STAT2: variants seen among roughly 807,000 people sequenced by gnomAD.
The protein encoded by STAT2 is signal transducer and activator of transcription 2, also known as interferon alpha induced transcriptional activator.
A neutral mutation model predicts 122.3 loss-of-function variants in STAT2; 51 were observed. The observed-to-expected ratio is 0.42, with a 90% CI of 0.33 to 0.53. The LOEUF is 0.53. Among genes scored for constraint, STAT2 ranks in the 20% least tolerant of loss-of-function variants. The probability of loss-of-function intolerance (pLI) is 0.10; values close to 1 mark genes in which losing one functional copy is unlikely to be tolerated. For missense variants in STAT2, 736 were observed against 1,010.3 expected (o/e 0.73, Z 3.68); for synonymous variants, 351 against 394.9 (o/e 0.89, Z 1.32).
rs1877473976 is a variant in STAT2, at chr12:56,346,443, T to C, written c.2043A>G (p.Lys681=). The C allele has an allele frequency of 6.2e-7, 1 of 1,614,072 alleles. No homozygotes were observed. The highest frequency in any genetic ancestry group is 1.7e-5 in the Admixed American group (1 of 60,002). ...DEAFGCYYQE[K]VNLQERRKYL... ...ATGAAGTATGTCAACGATTCCCACC[T>C]TTCTCCTGGTAGTAGCACCCAAAAG... The change falls in exon 21 of 24, where the codon AAA becomes AAG. Residue 681 remains lysine, a splice_region_variant and synonymous_variant. Transcript: ENST00000314128.
At chr12:56,355,148 G>A in intron 6 of STAT2, 128 bp downstream of exon 6, 1 of 1,111,120 alleles carries the variant, frequency 9.0e-7, no homozygotes, top group Non-Finnish European at 1.3e-6. Flanking sequence ...TTGCACGGCA[G>A]CAGGACTGTA....
At chr12:56,347,885 C>T (rs1877752807) in intron 19 of STAT2, among the ~76,000 whole-genome samples, 6 of 152,086 alleles carry the variant, frequency 3.9e-5, no homozygotes, top group Admixed American at 3.9e-4. Context: ...GTCACATAGG[C>T]CTGGATTTGA....
Position 56,343,074 on chromosome 12 carries a change from C to T in STAT2, c.*315G>A, listed in dbSNP as rs781607753. 3.3e-5 allele frequency: 9 copies of T among 273,520 alleles called. No individual in the cohort carries two copies. The highest frequency in any genetic ancestry group is 5.5e-5 in the Non-Finnish European group (8 of 145,374). 16.9% of individuals were successfully genotyped at this position (273,520 alleles called of 1,614,324 possible). ...ATCCTTCCATACTGGAAAGAAGCCA[C>T]TGCCCTGAGCCCTCCAAGTACCTGT... On this transcript the variant is annotated 3_prime_UTR_variant, in exon 24 of 24. Transcript: ENST00000314128.
intron 1 of STAT2, 93 bp downstream of exon 1, chr12:56,359,965 G>A: frequency 1.3e-5 from 11 of 868,670 alleles, no homozygotes; most frequent in Non-Finnish European, 1.4e-5. Flanking sequence ...ACCCTCTCCA[G>A]GGGGTAACCC....
intron 1 of STAT2, 94 bp from the exon 2 acceptor site, chr12:56,356,672 T>C: frequency 6.9e-7 from 1 of 1,446,456 alleles, no homozygotes; most frequent in Non-Finnish European, 9.2e-7. Context: ...ATTTAAAATG[T>C]TTAAATTATA....
chr12:56,356,059 T>G (rs1879464692), intron 3 of STAT2, 73 bp downstream of exon 3: 5 of 1,559,666 alleles, frequency 3.2e-6, no homozygotes, highest in Non-Finnish European at 3.5e-6. Context: ...CAGGTACTAT[T>G]CTATTCTCCA....
At chr12:56,350,460 A>T in intron 11 of STAT2, 28 bp from the exon 12 acceptor site, 2 of 1,589,218 alleles carry the variant, frequency 1.3e-6, no homozygotes, top group Non-Finnish European at 1.7e-6. Context: ...TAAAAAAATC[A>T]TTGGGCAAAA....
At chr12:56,346,689 C>G in intron 20 of STAT2, 65 bp from the exon 21 acceptor site, 1 of 1,603,468 alleles carries the variant, frequency 6.2e-7, no homozygotes, top group South Asian at 1.1e-5. Flanking sequence ...GCTCTCTGCT[C>G]TGGCTGCCCA....
rs759845888 is a variant in STAT2 at position 56,348,952 on chromosome 12, C to G, written c.1548G>C (p.Gln516His). ...SYVGRGLNSD[Q>H]LSMLRNKLFG... ...ACAGCTTGTTTCTCAGCATGCTCAG[C>G]TGGTCTGAGTTGAGGCCTCGGCCAA... Residue 516 changes from glutamine to histidine, a missense_variant, in exon 17 of 24, where the codon CAG becomes CAC. Physicochemically the swap from Gln to His is conservative, Grantham distance 24. Transcript: ENST00000314128. The G allele has an allele frequency of 6.2e-7, 1 of 1,613,702 alleles. No individual in the cohort carries two copies. The highest frequency in any genetic ancestry group is 1.1e-5 in the South Asian group (1 of 91,034).
intron 8 of STAT2, among the ~76,000 whole-genome samples, chr12:56,353,006 C>T (rs890795942): frequency 8.8e-5 from 13 of 147,978 alleles, no homozygotes; most frequent in South Asian, 2.1e-4. Flanking sequence ...TTTTTTGAGA[C>T]GGAGTCTCGC....
At chr12:56,348,877 GA>G (rs780533702) in intron 17 of STAT2, 46 bp downstream of exon 17, 1,204 of 1,613,964 alleles carry the variant, frequency 7.5e-4, no homozygotes, top group Non-Finnish European at 9.5e-4. Context: ...CAGAGGGACA[GA>G]AAAGACTAAG....
At chr12:56,358,062 G>A (rs978084940) in intron 1 of STAT2, among the ~76,000 whole-genome samples, 1 of 152,092 alleles carries the variant, frequency 6.6e-6, no homozygotes, top group East Asian at 1.9e-4. Context: ...TCACCATCCA[G>A]CTTTAACAAA....
chr12:56,355,092 C>G, intron 6 of STAT2, 184 bp downstream of exon 6: 2 of 738,228 alleles, frequency 2.7e-6, no homozygotes, highest in South Asian at 3.5e-5. Context: ...CATTTACTGT[C>G]TCTCAGCTGC....
In STAT2 at chr12:56,349,581, G is replaced by C; in HGVS notation, c.1257+8C>G. The C allele has an allele frequency of 6.2e-7, 1 of 1,614,182 alleles. No individual in the cohort carries two copies. The highest frequency in any genetic ancestry group is 1.1e-5 in the South Asian group (1 of 91,080). On this transcript the variant is annotated splice_region_variant and intron_variant, in intron 14 of 23. Transcript: ENST00000314128. ...CCCCCTGCCTCGAGTCCTCTGTCCA[G>C]ATCTCACCTTATTGCTGCCCTTTCC...
At chr12:56,352,142 G>A (rs1250916527) in intron 8 of STAT2, among the ~76,000 whole-genome samples, 4 of 151,784 alleles carry the variant, frequency 2.6e-5, no homozygotes, top group African/African-American at 7.3e-5. Context: ...CAGGTGATCC[G>A]CCCACCTTGG....
chr12:56,348,245 G>A lies in STAT2; in HGVS notation c.1724+284C>T, dbSNP rs540367404. ...TGGGACTACAGGTGTCTGCCACCAC[G>A]CCCGGCTAATTTTTTGTATTTTTAG... is the stretch of plus-strand genomic sequence containing the variant. On this transcript the variant is annotated intron_variant, in intron 19 of 23. Coordinates refer to ENST00000314128, the MANE Select transcript of STAT2 (RefSeq NM_005419.4). 8.6e-5 allele frequency among the ~76,000 whole-genome samples: 13 copies of A among 151,646 alleles called. No homozygotes were observed. In the South Asian group the frequency reaches 1.5e-3, roughly 17 times the overall value.
chr12:56,345,556 G>A (rs1430968979), intron 22 of STAT2, among the ~76,000 whole-genome samples: 4 of 95,606 alleles, frequency 4.2e-5, no homozygotes, highest in Non-Finnish European at 5.6e-5. Flanking sequence ...GGTGGCTCAC[G>A]CCTGTAATCC....
intron 8 of STAT2, 53 bp from the exon 9 acceptor site, chr12:56,351,503 A>T (rs1878474380): frequency 6.3e-7 from 1 of 1,575,834 alleles, no homozygotes; most frequent in African/African-American, 1.4e-5. Context: ...GGATTCCCCC[A>T]TCCAGGTTCC....
chr12:56,346,089 TCAC>T (rs1487842834), intron 22 of STAT2, 54 bp downstream of exon 22: 7 of 1,612,894 alleles, frequency 4.3e-6, no homozygotes, highest in Non-Finnish European at 5.1e-6. Context: ...TTTTGACGAT[TCAC>T]TGAAGCAGAG....
Sources: allele counts gnomAD v4.1 joint callset (sites outside exome capture counted in the v4.1 genomes callset), GRCh38; gene constraint gnomAD v4.1.1; transcripts MANE v1.5; gene names NCBI Gene and HGNC (gene_info 2026-07-23, HGNC 2026-07-21).